Variants in KIAA1217 observed in about 807,000 individuals in gnomAD.
KIAA1217 encodes the protein KIAA1217.
A neutral mutation model predicts 163.9 loss-of-function variants in KIAA1217; 88 were observed. That is an observed-to-expected ratio of 0.54 (90% confidence interval 0.45 to 0.64). The LOEUF (loss-of-function observed/expected upper bound fraction) is 0.64. Ranked by LOEUF, KIAA1217 falls within the 30% of genes least tolerant of loss-of-function variation. KIAA1217 has a pLI of 0.00. For missense variants in KIAA1217, 2,372 were observed against 2,475.0 expected, an observed-to-expected ratio of 0.96 and a Z score of 0.88; for synonymous variants, 903 against 923.1, an observed-to-expected ratio of 0.98 and a Z score of 0.39.
At chr10:23,696,622 C>T (rs1836060130) in intron 1 of KIAA1217, among the ~76,000 whole-genome samples, 1 of 152,138 alleles carries the variant, frequency 6.6e-6, no homozygotes, top group Non-Finnish European at 1.5e-5. Flanking sequence ...CATGTGTGGT[C>T]TCAGCACTTT....
intron 2 of KIAA1217, among the ~76,000 whole-genome samples, chr10:24,116,265 A>T (rs1205695677): frequency 2.0e-5 from 3 of 151,924 alleles, no homozygotes; most frequent in African/African-American, 7.3e-5. Context: ...TACACCTCTG[A>T]CTGCACAGCT....
intron 3 of KIAA1217, among the ~76,000 whole-genome samples, chr10:24,411,074 T>C (rs1265206682): frequency 2.6e-5 from 4 of 152,166 alleles, no homozygotes; most frequent in Admixed American, 1.3e-4. Context: ...AGCAAAGATA[T>C]CAGAATGTAC....
At chr10:23,845,303 AAT>A (rs1838971375) in intron 1 of KIAA1217, among the ~76,000 whole-genome samples, 1 of 152,158 alleles carries the variant, frequency 6.6e-6, no homozygotes, top group Non-Finnish European at 1.5e-5. Context: ...ATCCTTGAGG[AAT>A]CACCACACTG....
At chr10:23,868,644 G>A (rs922056498) in intron 1 of KIAA1217, among the ~76,000 whole-genome samples, 1 of 152,142 alleles carries the variant, frequency 6.6e-6, no homozygotes, top group Non-Finnish European at 1.5e-5. Flanking sequence ...CACTCAGGGA[G>A]AAGATTCTTC....
At chr10:24,295,770 C>CA (rs1277711559) in intron 2 of KIAA1217, among the ~76,000 whole-genome samples, 1 of 152,144 alleles carries the variant, frequency 6.6e-6, no homozygotes, top group African/African-American at 2.4e-5. Flanking sequence ...CTATTGCTAC[C>CA]AATCCTTCCT....
Position 23,761,514 on chromosome 10 carries a change from G to T in KIAA1217, c.-321+66280G>T, listed in dbSNP as rs111708315. On this transcript the variant is annotated intron_variant, in intron 1 of 18. Transcript: ENST00000376462. Reference sequence around the variant, plus strand: ...TTTCTGCCTTAATTTCATTATTACGGGAGTCATTCAGGAGCAAGTTGTTCA... The same window carrying T: ...TTTCTGCCTTAATTTCATTATTACGTGAGTCATTCAGGAGCAAGTTGTTCA... 4.7e-3 allele frequency among the ~76,000 whole-genome samples: 714 copies of T among 152,146 alleles called. 10 individuals are homozygous for T. Among genetic ancestry groups the T allele is most frequent in the African/African-American group, 0.017 (685 of 41,510 alleles).
At chr10:23,949,763 A>C (rs2131351967) in intron 1 of KIAA1217, among the ~76,000 whole-genome samples, 1 of 152,298 alleles carries the variant, frequency 6.6e-6, no homozygotes, top group South Asian at 2.1e-4. Context: ...ATAAAAAGTG[A>C]GAAATATTGA....
intron 2 of KIAA1217, among the ~76,000 whole-genome samples, chr10:24,166,574 C>A (rs1486031063): frequency 6.6e-6 from 1 of 152,052 alleles, no homozygotes; most frequent in African/African-American, 2.4e-5. Context: ...CCCATCTCTA[C>A]TAAAAATACA....
At chr10:23,783,598 C>T (rs1835357820) in intron 1 of KIAA1217, among the ~76,000 whole-genome samples, 1 of 151,932 alleles carries the variant, frequency 6.6e-6, no homozygotes, top group Non-Finnish European at 1.5e-5. Context: ...TGGAAGTATT[C>T]CATCTTTTGT....
intron 2 of KIAA1217, chr10:24,158,418 G>A (rs940045301): frequency 1.8e-4 from 103 of 586,300 alleles, no homozygotes; most frequent in Non-Finnish European, 2.1e-4. Context: ...CACAGTATGG[G>A]AATATCTTAA....
chr10:23,846,856 A>G (rs146648371), intron 1 of KIAA1217, among the ~76,000 whole-genome samples: 10,804 of 152,086 alleles, frequency 0.071, 1,305 homozygotes, highest in African/African-American at 0.25. Context: ...ATTCAGTATG[A>G]TATTGGCTGT....
chr10:23,887,481 C>T (rs1841233753), intron 1 of KIAA1217, among the ~76,000 whole-genome samples: 1 of 151,844 alleles, frequency 6.6e-6, no homozygotes, highest in African/African-American at 2.4e-5. Context: ...AGGCTTTTCA[C>T]ATCTCTGTCC....
intron 1 of KIAA1217, among the ~76,000 whole-genome samples, chr10:23,901,996 T>C (rs1841977867): frequency 1.3e-5 from 2 of 151,516 alleles, no homozygotes; most frequent in African/African-American, 4.8e-5. Context: ...GATTACAAAA[T>C]TGAGCATGAA....
intron 9 of KIAA1217, among the ~76,000 whole-genome samples, chr10:24,504,002 G>T (rs1363770114): frequency 6.6e-6 from 1 of 152,196 alleles, no homozygotes; most frequent in Admixed American, 6.5e-5. Context: ...GAATTTCACA[G>T]GCGTTAGAGG....
chr10:24,258,902 C>G (rs1281616755), intron 2 of KIAA1217, among the ~76,000 whole-genome samples: 1 of 152,098 alleles, frequency 6.6e-6, no homozygotes, highest in Non-Finnish European at 1.5e-5. Flanking sequence ...CGGCTTACAT[C>G]TTAATGAGCC....
At chr10:24,018,871 C>G (rs1198264904) in intron 2 of KIAA1217, among the ~76,000 whole-genome samples, 1 of 152,030 alleles carries the variant, frequency 6.6e-6, no homozygotes, top group Non-Finnish European at 1.5e-5. Context: ...ACTATTCTGC[C>G]TTCAAAGAGA....
chr10:24,193,904 T>C lies in KIAA1217; in HGVS notation c.-170-25722T>C, dbSNP rs562815227. ...TTCTTCATTTGGAGATAATTTAAAA[T>C]AGGCCAGGTGCGGTGGTTCACACCT... On this transcript the variant is annotated intron_variant, in intron 2 of 18. Transcript: ENST00000376462. Among the ~76,000 whole-genome samples the C allele has an allele frequency of 2.7e-5, 4 of 149,544 alleles. No individual in the cohort carries two copies. The East Asian group carries it at 5.9e-4, about 22-fold the overall frequency.
At chr10:23,733,565 A>G (rs958972328) in intron 1 of KIAA1217, among the ~76,000 whole-genome samples, 2 of 152,134 alleles carry the variant, frequency 1.3e-5, no homozygotes, top group Non-Finnish European at 2.9e-5. Flanking sequence ...GGTAAATGCT[A>G]TGTAAATAGT....
Position 24,388,725 on chromosome 10 carries a change from C to T in KIAA1217, c.553+7658C>T, listed in dbSNP as rs181595383. 4.9e-3 allele frequency among the ~76,000 whole-genome samples: 747 copies of T among 152,002 alleles called. 7 individuals carry two copies. The highest frequency in any genetic ancestry group is 0.017 in the African/African-American group (696 of 41,450). ...AACAAATTTACAAGAAAAAATCAAA[C>T]TCTTCAACAAGCGGGCGAAGGATAT... is the stretch of plus-strand genomic sequence containing the variant. On this transcript the variant is annotated intron_variant, in intron 3 of 20. Coordinates refer to ENST00000376454, the MANE Select transcript of KIAA1217 (RefSeq NM_019590.5).
Sources: gnomAD v4.1 joint callset for allele counts (sites outside exome capture counted in the v4.1 genomes callset) on GRCh38, gnomAD v4.1.1 for gene constraint, MANE v1.5 for transcripts, NCBI Gene and HGNC (gene_info 2026-07-23, HGNC 2026-07-21) for gene names.